The following TPO variants were observed in gnomAD, a reference collection of about 807,000 sequenced individuals.
TPO encodes the protein thyroid microsomal antigen.
In TPO, 78 loss-of-function variants were observed where a neutral mutation model predicts 96.9. The observed-to-expected ratio is 0.81, with a 90% CI of 0.67 to 0.97. TPO has a LOEUF of 0.97. Ranked by LOEUF, TPO falls within the 50% of genes least tolerant of loss-of-function variation. TPO has a pLI of 0.00. For missense variants in TPO, 1,252 were observed against 1,274.8 expected (o/e 0.98, Z 0.27); for synonymous variants, 547 against 538.0 (o/e 1.02, Z -0.23).
chr2:1,425,498 A>ATG (rs1664267186), intron 3 of TPO, among the ~76,000 whole-genome samples: 3 of 124,210 alleles, frequency 2.4e-5, no homozygotes, highest in African/African-American at 3.1e-5. Context: ...AGAAGTCCGT[A>ATG]CTCCTTCTGT....
At chr2:1,407,364 G>A (rs1662263157) in intron 1 of TPO, among the ~76,000 whole-genome samples, 1 of 152,170 alleles carries the variant, frequency 6.6e-6, no homozygotes, top group South Asian at 2.1e-4. Flanking sequence ...AAAGGGGTGT[G>A]TTATGGGGCT....
intron 1 of TPO, among the ~76,000 whole-genome samples, chr2:1,390,990 C>G (rs534313044): frequency 3.3e-5 from 5 of 152,284 alleles, no homozygotes; most frequent in African/African-American, 4.8e-5. Flanking sequence ...TGCCTGTTCA[C>G]TCTGATGGTA....
chr2:1,491,837 C>T (rs1273313992), intron 10 of TPO, among the ~76,000 whole-genome samples: 4 of 152,132 alleles, frequency 2.6e-5, no homozygotes, highest in Non-Finnish European at 4.4e-5. Flanking sequence ...AAGCACTTCC[C>T]GGTGGCTTTG....
intron 1 of TPO, among the ~76,000 whole-genome samples, chr2:1,387,381 C>T (rs1042974705): frequency 1.3e-5 from 2 of 152,150 alleles, no homozygotes; most frequent in Non-Finnish European, 2.9e-5. Context: ...TTCACATAGT[C>T]CCATATTTCT....
At chr2:1,383,682 C>G (rs1275917397) in intron 1 of TPO, among the ~76,000 whole-genome samples, 1 of 152,174 alleles carries the variant, frequency 6.6e-6, no homozygotes, top group Non-Finnish European at 1.5e-5. Flanking sequence ...TGCCTGTTCA[C>G]TCTGATGGTA....
At position 1,538,290 on chromosome 2, in the gene TPO, C is replaced by G. The variant is rs192615580; in HGVS notation, c.2619-2304C>G. On this transcript the variant is annotated intron_variant, in intron 15 of 16. Coordinates refer to ENST00000329066, the MANE Select transcript of TPO (RefSeq NM_001206744.2). ...TCTCATCTTAAGGTGGTGCTCCGACCTGATACAAAGGAAAGCGGGTTGAAT... is the reference window on the plus strand; with the variant it reads ...TCTCATCTTAAGGTGGTGCTCCGACGTGATACAAAGGAAAGCGGGTTGAAT... Among the ~76,000 whole-genome samples, 155 of 152,264 alleles carry G rather than the reference C, an allele frequency of 1.0e-3. 1 individual carries two copies. The highest frequency in any genetic ancestry group is 9.3e-3 in the Admixed American group (142 of 15,290).
At chr2:1,416,235 T>C (rs1214034346) in intron 2 of TPO, among the ~76,000 whole-genome samples, 1 of 152,240 alleles carries the variant, frequency 6.6e-6, no homozygotes, top group Non-Finnish European at 1.5e-5. Context: ...ATTTTGCATC[T>C]TCCCAGAATA....
rs143563342 is a variant in TPO, at chr2:1,469,555, G to T, written c.820-7531G>T. On this transcript the variant is annotated intron_variant, in intron 7 of 16. Coordinates refer to ENST00000329066, the MANE Select transcript of TPO (RefSeq NM_001206744.2). ...TTCCTTCTCCCTGTGGCCTTTTACA[G>T]GTGCCTCTGGCAGCCCTCCTGAAGG... 5.4e-3 allele frequency among the ~76,000 whole-genome samples: 815 copies of T among 152,288 alleles called. 13 individuals carry two copies. Among genetic ancestry groups the T allele is most frequent in the African/African-American group, 0.018 (752 of 41,578 alleles).
At chr2:1,481,565 C>A (rs879261858) in intron 8 of TPO, among the ~76,000 whole-genome samples, 3 of 152,204 alleles carry the variant, frequency 2.0e-5, no homozygotes, top group Non-Finnish European at 4.4e-5. Flanking sequence ...CCCTGGACAT[C>A]CCCATCCCGG....
intron 3 of TPO, among the ~76,000 whole-genome samples, chr2:1,430,915 G>A (rs1664913728): frequency 6.6e-6 from 1 of 152,186 alleles, no homozygotes; most frequent in African/African-American, 2.4e-5. Context: ...GAGGCTCATA[G>A]GTAGAAGGAC....
intron 15 of TPO, among the ~76,000 whole-genome samples, chr2:1,536,878 C>A (rs1362137610): frequency 3.7e-5 from 5 of 136,562 alleles, no homozygotes; most frequent in Non-Finnish European, 6.3e-5. Flanking sequence ...CGAATACCCA[C>A]CACTCTGTGC....
chr2:1,505,769 T>C (rs1673383501), intron 14 of TPO, among the ~76,000 whole-genome samples: 1 of 151,720 alleles, frequency 6.6e-6, no homozygotes, highest in Admixed American at 6.6e-5. Flanking sequence ...TGTGTGCTGT[T>C]CTCCTTTCTG....
intron 4 of TPO, among the ~76,000 whole-genome samples, chr2:1,435,663 A>T (rs1367556253): frequency 6.6e-6 from 1 of 152,222 alleles, no homozygotes. Context: ...TAGTGACAGA[A>T]TTAATCCAAA....
chr2:1,463,385 G>A (rs1668621260), intron 7 of TPO, among the ~76,000 whole-genome samples: 1 of 152,208 alleles, frequency 6.6e-6, no homozygotes, highest in Non-Finnish European at 1.5e-5. Flanking sequence ...AATGTTTGAT[G>A]TCCTTTACAC....
intron 15 of TPO, among the ~76,000 whole-genome samples, chr2:1,532,621 C>G (rs1283743068): frequency 4.2e-5 from 1 of 23,930 alleles, no homozygotes; most frequent in Admixed American, 5.2e-4. Flanking sequence ...TCCACAAATC[C>G]CCCCCCACTC....
At chr2:1,446,105 G>C (rs1229891655) in intron 5 of TPO, among the ~76,000 whole-genome samples, 2 of 152,148 alleles carry the variant, frequency 1.3e-5, no homozygotes, top group Non-Finnish European at 2.9e-5. Flanking sequence ...CCATGGGCCT[G>C]CACCCCCAGA....
At chr2:1,514,364 C>T (rs1045613074) in intron 14 of TPO, among the ~76,000 whole-genome samples, 1 of 152,228 alleles carries the variant, frequency 6.6e-6, no homozygotes, top group South Asian at 2.1e-4. Context: ...AATCTGGGCG[C>T]CTGTGCTCCA....
rs750244726 is a variant in TPO, at chr2:1,433,452, G to C, written c.194G>C (p.Arg65Thr). 1 of 1,614,180 alleles carries C rather than the reference G, an allele frequency of 6.2e-7. No individual in the cohort carries two copies. Among genetic ancestry groups the C allele is most frequent in the Non-Finnish European group, 8.5e-7 (1 of 1,180,024 alleles). ...ATGTGCCATAGAAACCTCAAGAAAA[G>C]AGGAATCCTTTCTCCAGCTCAGCTT... ...YATMQRNLKK[R>T]GILSPAQLLS... The change falls in exon 4 of 17, where the codon AGA becomes ACA. Residue 65 changes from arginine (R) to threonine (T), a missense_variant. By Grantham distance (71) the Arg-to-Thr change is moderately conservative. Transcript: ENST00000329066.
chr2:1,470,502 C>G (rs916393238), intron 7 of TPO, among the ~76,000 whole-genome samples: 7 of 150,712 alleles, frequency 4.6e-5, no homozygotes, highest in Non-Finnish European at 1.0e-4. Flanking sequence ...TCTTACTGAG[C>G]AGGTCTTCCT....
Sources: gnomAD v4.1 joint callset for allele counts (sites outside exome capture counted in the v4.1 genomes callset) on GRCh38, gnomAD v4.1.1 for gene constraint, MANE v1.5 for transcripts, NCBI Gene and HGNC (gene_info 2026-07-23, HGNC 2026-07-21) for gene names.